The following CCDC171 variants were observed in gnomAD, a reference collection of about 807,000 sequenced individuals.
CCDC171 encodes the protein coiled-coil domain-containing protein 171.
Under a neutral mutation model 168.2 loss-of-function variants are expected in CCDC171, and 177 were observed. The ratio of observed to expected loss-of-function variants is 1.05; its 90% confidence interval spans 0.93 to 1.19. The LOEUF (loss-of-function observed/expected upper bound fraction) is 1.19, where lower values mean the gene tolerates loss of function less well. Among genes scored for constraint, CCDC171 ranks in the 50% most tolerant of loss-of-function variants. The pLI, the probability that CCDC171 is intolerant of heterozygous loss-of-function variation, is 0.00. For synonymous variants in CCDC171, 687 were observed against 540.8 expected, an observed-to-expected ratio of 1.27 and a Z score of -3.75; for missense variants, 1,991 against 1,539.0, an observed-to-expected ratio of 1.29 and a Z score of -4.91.
In CCDC171 at chr9:15,678,792, C is replaced by G; in HGVS notation, c.1111C>G (p.Leu371Val). 6.3e-7 allele frequency: 1 copy of G among 1,592,242 alleles called. No individual in the cohort carries two copies. The change falls in exon 10 of 26, where the codon CTA becomes GTA. Residue 371 changes from leucine (L) to valine (V), a missense_variant. Transcript: ENST00000380701. ...EKEYFSKNKKLNEDIEEQKKV... is the reference protein window; with the variant it reads ...EKEYFSKNKKVNEDIEEQKKV... ...AGAGTATTTCTCCAAAAATAAGAAA[C>G]TAAATGAAGACATCGAGGAACAGAA...
At chr9:16,052,047 C>T (rs1833758623) in intron 1 of CCDC171, among the ~76,000 whole-genome samples, 1 of 152,142 alleles carries the variant, frequency 6.6e-6, no homozygotes, top group Admixed American at 6.5e-5. Flanking sequence ...CAATTACCTC[C>T]CACCAAGTCC....
chr9:15,876,163 G>A (rs1329280573), intron 24 of CCDC171: 1 of 152,014 alleles, frequency 6.6e-6, no homozygotes, highest in African/African-American at 2.4e-5. Context: ...CAGCAAGAAG[G>A]AAATGTAGAG....
chr9:15,696,343 A>G (rs1159113058), intron 11 of CCDC171, among the ~76,000 whole-genome samples: 2 of 152,104 alleles, frequency 1.3e-5, no homozygotes, highest in Admixed American at 6.5e-5. Flanking sequence ...GTGCTTTGCT[A>G]TTGTCTATGT....
the CCDC171 span, among the ~76,000 whole-genome samples, chr9:16,086,450 G>C: frequency 1.3e-5 from 2 of 151,776 alleles, no homozygotes; most frequent in Non-Finnish European, 2.9e-5. Context: ...TGGGATTACA[G>C]GTGTGCACCA....
At chr9:15,805,842 G>A (rs977758640) in intron 21 of CCDC171, among the ~76,000 whole-genome samples, 3 of 152,002 alleles carry the variant, frequency 2.0e-5, no homozygotes, top group East Asian at 1.9e-4. Flanking sequence ...TATTGTCAAC[G>A]GGGTATTAAA....
chr9:15,975,737 A>G (rs986771371), downstream of CCDC171, among the ~76,000 whole-genome samples: 7 of 152,226 alleles, frequency 4.6e-5, no homozygotes, highest in African/African-American at 1.4e-4. Flanking sequence ...AACTCCTAGG[A>G]TAAAGATTTA....
At chr9:15,741,905 G>A (rs2054903808) in intron 16 of CCDC171, among the ~76,000 whole-genome samples, 1 of 152,006 alleles carries the variant, frequency 6.6e-6, no homozygotes, top group Non-Finnish European at 1.5e-5. Context: ...ACTGACTTTA[G>A]GATACAGTGT....
intron 18 of CCDC171, among the ~76,000 whole-genome samples, chr9:15,761,441 AG>A (rs1342712824): frequency 1.3e-5 from 2 of 152,164 alleles, no homozygotes; most frequent in African/African-American, 4.8e-5. Context: ...AATTATAAAA[AG>A]AATCTTGCTA....
At chr9:15,596,093 T>C (rs371498908) in intron 6 of CCDC171, among the ~76,000 whole-genome samples, 2 of 152,192 alleles carry the variant, frequency 1.3e-5, no homozygotes, top group Non-Finnish European at 2.9e-5. Flanking sequence ...ATTCTGTAGG[T>C]TGCCTGTTCA....
chr9:15,648,072 G>T (rs1173400134), intron 7 of CCDC171, among the ~76,000 whole-genome samples: 1 of 152,186 alleles, frequency 6.6e-6, no homozygotes, highest in African/African-American at 2.4e-5. Context: ...CTTCATCCCT[G>T]GGATGCAAGG....
intron 6 of CCDC171, among the ~76,000 whole-genome samples, chr9:16,027,427 C>A (rs955450411): frequency 3.9e-5 from 6 of 152,180 alleles, no homozygotes; most frequent in Admixed American, 2.6e-4. Flanking sequence ...GCGTCTCCAC[C>A]ACTCAAGTCA....
chr9:15,589,776 T>A (rs1269515781), intron 4 of CCDC171, among the ~76,000 whole-genome samples: 1 of 151,914 alleles, frequency 6.6e-6, no homozygotes, highest in African/African-American at 2.4e-5. Context: ...AAGATGAAGA[T>A]GGAAGAAACC....
intron 21 of CCDC171, among the ~76,000 whole-genome samples, chr9:15,828,125 G>C (rs905196269): frequency 6.6e-6 from 1 of 152,062 alleles, no homozygotes; most frequent in Non-Finnish European, 1.5e-5. Flanking sequence ...AATCAGTTTG[G>C]GGAATGTGAA....
chr9:15,934,879 T>C (rs1416041408), intron 25 of CCDC171, among the ~76,000 whole-genome samples: 1 of 152,038 alleles, frequency 6.6e-6, no homozygotes, highest in Non-Finnish European at 1.5e-5. Context: ...GTGAAATCGT[T>C]ATGCTAAGTG....
At chr9:15,697,768 T>G (rs776625149) in intron 11 of CCDC171, among the ~76,000 whole-genome samples, 24 of 152,142 alleles carry the variant, frequency 1.6e-4, no homozygotes, top group Middle Eastern at 3.2e-3. Context: ...TGGTGGAGAG[T>G]CTTGCCTTGA....
intron 24 of CCDC171, among the ~76,000 whole-genome samples, chr9:15,917,727 T>C (rs1824718335): frequency 6.6e-6 from 1 of 151,688 alleles, no homozygotes; most frequent in African/African-American, 2.4e-5. Flanking sequence ...GGGATAACTT[T>C]TAAAATGTGG....
At chr9:15,677,926 A>ATATATATATATATATG (rs1554754419) in intron 9 of CCDC171, among the ~76,000 whole-genome samples, 1 of 28,238 alleles carries the variant, frequency 3.5e-5, no homozygotes, top group African/African-American at 1.6e-4. Flanking sequence ...ATATATATAT[A>ATATATATATATATATG]AGAGATGTGG....
intron 18 of CCDC171, among the ~76,000 whole-genome samples, chr9:15,750,616 G>A (rs562297382): frequency 2.6e-5 from 4 of 151,172 alleles, no homozygotes; most frequent in African/African-American, 9.7e-5. Flanking sequence ...ATGCAAGGCT[G>A]GTTCAACATG....
chr9:16,045,908 A>G (rs905311716), intron 1 of CCDC171, among the ~76,000 whole-genome samples: 4 of 152,206 alleles, frequency 2.6e-5, no homozygotes, highest in Non-Finnish European at 4.4e-5. Context: ...TGGGATATAC[A>G]CATTCTCAGA....
Sources: allele counts gnomAD v4.1 joint callset (sites outside exome capture counted in the v4.1 genomes callset), GRCh38; gene constraint gnomAD v4.1.1; transcripts MANE v1.5; gene names NCBI Gene and HGNC (gene_info 2026-07-23, HGNC 2026-07-21).